The following LY96 variants were observed in gnomAD, a reference collection of about 807,000 sequenced individuals.
The protein encoded by LY96 is lymphocyte antigen 96.
In LY96, 18 loss-of-function variants were observed where a neutral mutation model predicts 18.9. That is an observed-to-expected ratio of 0.95 (90% confidence interval 0.66 to 1.41). LY96 has a LOEUF of 1.41. Among genes scored for constraint, LY96 ranks in the 40% most tolerant of loss-of-function variants. The probability of loss-of-function intolerance (pLI) is 0.00; values close to 1 mark genes in which losing one functional copy is unlikely to be tolerated. For missense variants in LY96, 175 were observed against 182.4 expected (o/e 0.96, Z 0.23); for synonymous variants, 66 against 62.6 (o/e 1.06, Z -0.26).
chr8:74,041,686 A>G, the LY96 span, among the ~76,000 whole-genome samples: 1 of 152,104 alleles, frequency 6.6e-6, no homozygotes, highest in Non-Finnish European at 1.5e-5. Context: ...CAGTATCCTC[A>G]GGCTTATTAG....
At chr8:74,025,214 C>T (rs967845762) in intron 3 of LY96, among the ~76,000 whole-genome samples, 3 of 152,102 alleles carry the variant, frequency 2.0e-5, no homozygotes, top group African/African-American at 7.2e-5. Flanking sequence ...TCTTCCCAGG[C>T]CCTGGTGGGT....
chr8:74,099,287 T>A, the LY96 span: 1 of 152,196 alleles, frequency 6.6e-6, no homozygotes, highest in African/African-American at 2.4e-5. Flanking sequence ...GTTGGACACA[T>A]CTTGTTATAT....
the LY96 span, among the ~76,000 whole-genome samples, chr8:74,066,423 CAT>C: frequency 6.6e-6 from 1 of 152,000 alleles, no homozygotes; most frequent in African/African-American, 2.4e-5. Context: ...AGAGGACTCA[CAT>C]GTGCAAAGAT....
At chr8:73,992,369 C>T (rs1816021247) in intron 1 of LY96, among the ~76,000 whole-genome samples, 2 of 152,124 alleles carry the variant, frequency 1.3e-5, no homozygotes, top group African/African-American at 4.8e-5. Context: ...TAAAGTGGTG[C>T]TTCCCAAAAT....
At chr8:74,080,982 C>CTTTCTTTCTT in the LY96 span, among the ~76,000 whole-genome samples, 7 of 127,802 alleles carry the variant, frequency 5.5e-5, no homozygotes, top group Admixed American at 4.3e-4. Flanking sequence ...CTTTCTTTCT[C>CTTTCTTTCTT]TCTCTTTCTT....
chr8:74,049,711 T>A, the LY96 span, among the ~76,000 whole-genome samples: 1 of 152,290 alleles, frequency 6.6e-6, no homozygotes, highest in East Asian at 1.9e-4. Context: ...CAGCCTTCCA[T>A]GAGAGTTGGG....
chr8:74,076,741 A>G, the LY96 span, among the ~76,000 whole-genome samples: 1 of 152,198 alleles, frequency 6.6e-6, no homozygotes, highest in Non-Finnish European at 1.5e-5. Context: ...TTTTATTCAC[A>G]TAACACTTCT....
At chr8:74,051,209 C>T in the LY96 span, among the ~76,000 whole-genome samples, 1 of 152,144 alleles carries the variant, frequency 6.6e-6, no homozygotes, top group African/African-American at 2.4e-5. Context: ...AAGTGAAGAG[C>T]TTGTTTCCTT....
At chr8:74,028,875 T>A in intron 4 of LY96, 81 bp from the exon 5 acceptor site, 1 of 805,356 alleles carries the variant, frequency 1.2e-6, no homozygotes, top group South Asian at 1.7e-5. Context: ...TTTCTGCTAG[T>A]AAGAGAAAGT....
At chr8:74,068,433 T>C in the LY96 span, among the ~76,000 whole-genome samples, 2 of 152,238 alleles carry the variant, frequency 1.3e-5, no homozygotes, top group Non-Finnish European at 1.5e-5. Flanking sequence ...CTATGAATAC[T>C]CATGTACATA....
At chr8:74,045,304 A>G in the LY96 span, among the ~76,000 whole-genome samples, 1 of 152,230 alleles carries the variant, frequency 6.6e-6, no homozygotes, top group Non-Finnish European at 1.5e-5. Flanking sequence ...AAAACCATAC[A>G]GGGAACAACA....
the LY96 span, among the ~76,000 whole-genome samples, chr8:74,035,103 A>G: frequency 2.6e-5 from 4 of 152,224 alleles, no homozygotes; most frequent in Non-Finnish European, 5.9e-5. Flanking sequence ...TTGTATAGCT[A>G]ATTGCTAAAA....
the LY96 span, among the ~76,000 whole-genome samples, chr8:74,049,648 T>A: frequency 1.3e-5 from 2 of 152,170 alleles, no homozygotes; most frequent in African/African-American, 2.4e-5. Flanking sequence ...GTGAAATAGA[T>A]ACTTGAATTA....
the LY96 span, among the ~76,000 whole-genome samples, chr8:74,047,997 C>CA: frequency 6.6e-6 from 1 of 152,114 alleles, no homozygotes; most frequent in Non-Finnish European, 1.5e-5. Context: ...TTCCTTGGCT[C>CA]AAAAAATCCT....
At chr8:74,015,359 G>A (rs1245650491) in intron 3 of LY96, among the ~76,000 whole-genome samples, 1 of 152,176 alleles carries the variant, frequency 6.6e-6, no homozygotes, top group Non-Finnish European at 1.5e-5. Flanking sequence ...ACGAGGCCAT[G>A]CTCCCTCTGT....
At chr8:74,026,122 C>T (rs1167121801) in intron 3 of LY96, among the ~76,000 whole-genome samples, 2 of 149,720 alleles carry the variant, frequency 1.3e-5, no homozygotes, top group East Asian at 1.9e-4. Flanking sequence ...CTTCTGAGAA[C>T]AATATTATAG....
At chr8:74,078,110 T>TAAA in the LY96 span, among the ~76,000 whole-genome samples, 1 of 122,180 alleles carries the variant, frequency 8.2e-6, no homozygotes, top group East Asian at 2.5e-4. Flanking sequence ...CCTGTCTCAA[T>TAAA]AAAAAAAAAA....
At chr8:74,014,129 C>T (rs912535463) in intron 3 of LY96, among the ~76,000 whole-genome samples, 1 of 151,634 alleles carries the variant, frequency 6.6e-6, no homozygotes, top group African/African-American at 2.4e-5. Context: ...TTTAATGTGG[C>T]AGGCAAGGAT....
the LY96 span, among the ~76,000 whole-genome samples, chr8:74,077,801 C>A: frequency 4.8e-3 from 728 of 151,818 alleles, 2 homozygotes; most frequent in Non-Finnish European, 7.6e-3. Context: ...TAAGATAATA[C>A]CTCATTGGTA....
Sources: allele counts gnomAD v4.1 joint callset (sites outside exome capture counted in the v4.1 genomes callset), GRCh38; gene constraint gnomAD v4.1.1; transcripts MANE v1.5; gene names NCBI Gene and HGNC (gene_info 2026-07-23, HGNC 2026-07-21).